Variants in LINS1 observed in about 807,000 individuals in gnomAD.
LINS1 encodes protein Lines homolog 1.
In LINS1, 27 loss-of-function variants were observed where a neutral mutation model predicts 41.6. The ratio of observed to expected loss-of-function variants is 0.65; its 90% confidence interval spans 0.48 to 0.89. The LOEUF is 0.89. Among genes scored for constraint, LINS1 ranks in the 40% least tolerant of loss-of-function variants. LINS1 has a pLI of 0.00. For synonymous variants in LINS1, 336 were observed against 312.9 expected (o/e 1.07, Z -0.78); for missense variants, 955 against 884.1 (o/e 1.08, Z -1.02).
At chr15:100,583,528 G>T (rs368588528) in intron 1 of LINS1, among the ~76,000 whole-genome samples, 10 of 152,216 alleles carry the variant, frequency 6.6e-5, no homozygotes, top group African/African-American at 2.4e-4. Flanking sequence ...TGTTGGTAAT[G>T]TTGTTCTATC....
chr15:100,574,479 G>C (rs990866906), intron 4 of LINS1, among the ~76,000 whole-genome samples: 5 of 152,154 alleles, frequency 3.3e-5, no homozygotes, highest in Non-Finnish European at 5.9e-5. Context: ...AGGCCGATGC[G>C]GGTGGATCAC....
At chr15:100,592,130 A>T (rs1596960886) in intron 1 of LINS1, among the ~76,000 whole-genome samples, 3 of 152,340 alleles carry the variant, frequency 2.0e-5, no homozygotes, top group Admixed American at 2.0e-4. Flanking sequence ...TCTAGAGGGT[A>T]TGTAAACCTC....
intron 1 of LINS1, among the ~76,000 whole-genome samples, chr15:100,595,993 G>GCAGA (rs1567102105): frequency 6.6e-6 from 1 of 152,200 alleles, no homozygotes. Context: ...AAGAAGTGGG[G>GCAGA]CAGATATCTT....
In LINS1 at chr15:100,580,815, C is replaced by G. The variant is rs1221157532; in HGVS notation, c.28G>C (p.Glu10Gln). MKVFCEVLE[E>Q]LYKKVLLGAT... ...CCAAGAAGTACCTTCTTGTATAACT[C>G]TTCTAAAACTTCACAGAAAACTTTC... Residue 10 changes from glutamate to glutamine, a missense_variant, in exon 2 of 7, where the codon GAG becomes CAG. Coordinates refer to ENST00000314742, the MANE Select transcript of LINS1 (RefSeq NM_001040616.3). 1.2e-6 allele frequency: 2 copies of G among 1,612,620 alleles called. No homozygotes were observed. Among genetic ancestry groups the G allele is most frequent in the Non-Finnish European group, 1.7e-6 (2 of 1,179,302 alleles).
At chr15:100,581,523 C>T (rs1049104664) in intron 1 of LINS1, among the ~76,000 whole-genome samples, 5 of 152,174 alleles carry the variant, frequency 3.3e-5, no homozygotes, top group African/African-American at 1.2e-4. Flanking sequence ...TAGATTATGG[C>T]TATTGCCAAT....
rs964507708 is a variant in LINS1 at position 100,569,780 on chromosome 15, T to A, written c.1732A>T (p.Thr578Ser). 1 of 1,613,958 alleles carries A rather than the reference T, an allele frequency of 6.2e-7. No homozygotes were observed. The highest frequency in any genetic ancestry group is 1.1e-5 in the South Asian group (1 of 91,032). Residue 578 changes from threonine (T) to serine (S), a missense_variant, in exon 7 of 7, where the codon ACT becomes TCT. By Grantham distance (58) the Thr-to-Ser change is moderately conservative. Coordinates refer to ENST00000314742, the MANE Select transcript of LINS1 (RefSeq NM_001040616.3). ...ACATCTCTGTGACTATGAGGAGCAGTCAAACGATGGGGTATTGTTTGGTTG... is the reference window on the plus strand; with the variant it reads ...ACATCTCTGTGACTATGAGGAGCAGACAAACGATGGGGTATTGTTTGGTTG... ...SSNQTIPHRL[T>S]APHSHRDVCA... is the part of the protein sequence containing the mutation.
intron 4 of LINS1, 94 bp downstream of exon 4, chr15:100,574,893 A>T: frequency 7.9e-7 from 1 of 1,265,072 alleles, no homozygotes. Context: ...TTTAAGACAG[A>T]TCAGATGTTC....
At chr15:100,601,550 G>C (rs968892836) in intron 1 of LINS1, among the ~76,000 whole-genome samples, 1 of 151,988 alleles carries the variant, frequency 6.6e-6, no homozygotes, top group African/African-American at 2.4e-5. Flanking sequence ...TCACACCATA[G>C]CACTACCTAT....
chr15:100,590,886 A>G (rs1435403074), intron 1 of LINS1, among the ~76,000 whole-genome samples: 2 of 152,206 alleles, frequency 1.3e-5, no homozygotes, highest in African/African-American at 4.8e-5. Context: ...AATAGTCATA[A>G]CAATAGTCTC....
Position 100,574,180 on chromosome 15 carries a change from T to C in LINS1, c.693A>G (p.Leu231=). The C allele has an allele frequency of 6.2e-7, 1 of 1,613,626 alleles. No individual in the cohort carries two copies. The highest frequency in any genetic ancestry group is 8.5e-7 in the Non-Finnish European group (1 of 1,179,632). Residue 231 remains leucine, a synonymous_variant, in exon 5 of 7, where the codon TTA becomes TTG. Coordinates refer to ENST00000314742, the MANE Select transcript of LINS1 (RefSeq NM_001040616.3). ...GGCAGTTTTCAAAATGCTGAGAGAA[T>C]AAGGAATTGTAAAACACTTCAAAAA... ...DTIFEVFYNS[L]FSQHFENCRD...
chr15:100,573,510 GA>G, intron 5 of LINS1, 140 bp downstream of exon 5: 2 of 538,848 alleles, frequency 3.7e-6, no homozygotes, highest in Non-Finnish European at 2.8e-6. Flanking sequence ...TTTTTTTTTT[GA>G]AAATGTAATA....
At chr15:100,600,571 A>AAAAAAAAAAC (rs2039443657) in intron 1 of LINS1, among the ~76,000 whole-genome samples, 1 of 150,728 alleles carries the variant, frequency 6.6e-6, no homozygotes, top group African/African-American at 2.4e-5. Flanking sequence ...AAAAAAAAAA[A>AAAAAAAAAAC]CAGGGAGAAA....
Position 100,573,651 on chromosome 15 carries a change from C to T in LINS1, c.1222G>A (p.Val408Ile), listed in dbSNP as rs1273162899. The change falls in exon 5 of 7, where the codon GTT becomes ATT. Residue 408 changes from valine (V) to isoleucine (I), a missense_variant and splice_region_variant. Coordinates refer to ENST00000314742, the MANE Select transcript of LINS1 (RefSeq NM_001040616.3). ...QNYSSASEVK[V>I]DLQRFMSELL... ...ATACAAAAGGAGTTTGGAGAATTAC[C>T]TTTCACTTCACTTGCTGAAGAATAA... The T allele has an allele frequency of 5.8e-6, 9 of 1,555,910 alleles. No homozygotes were observed. The highest frequency in any genetic ancestry group is 7.1e-6 in the Non-Finnish European group (8 of 1,129,716).
chr15:100,575,813 C>T (rs1193710538), intron 3 of LINS1, among the ~76,000 whole-genome samples: 4 of 152,120 alleles, frequency 2.6e-5, no homozygotes, highest in East Asian at 3.9e-4. Context: ...ACAGAAATCA[C>T]AACAAACTGT....
At chr15:100,596,521 T>G (rs2039251535) in intron 1 of LINS1, among the ~76,000 whole-genome samples, 1 of 152,212 alleles carries the variant, frequency 6.6e-6, no homozygotes, top group Non-Finnish European at 1.5e-5. Flanking sequence ...CATTTTTCTG[T>G]CAAAGTGATA....
intron 3 of LINS1, among the ~76,000 whole-genome samples, chr15:100,579,853 A>G (rs1454985316): frequency 6.6e-6 from 1 of 152,192 alleles, no homozygotes; most frequent in Non-Finnish European, 1.5e-5. Context: ...AATCTGCAGA[A>G]AGTTATGGAG....
chr15:100,588,249 G>T lies in LINS1; in HGVS notation c.-103-7304C>A, dbSNP rs745685229. Among the ~76,000 whole-genome samples the T allele has an allele frequency of 1.2e-3, 185 of 152,186 alleles. 1 individual carries two copies. The highest frequency in any genetic ancestry group is 2.4e-3 in the Non-Finnish European group (164 of 68,036). On this transcript the variant is annotated intron_variant, in intron 1 of 6. Coordinates refer to ENST00000314742, the MANE Select transcript of LINS1 (RefSeq NM_001040616.3). Reference sequence around the variant, plus strand: ...ATGGCCCAGCCAATTGGTCAGTCATGTCCTTGGGAGCTTGACCTTGTAACT... The same window carrying T: ...ATGGCCCAGCCAATTGGTCAGTCATTTCCTTGGGAGCTTGACCTTGTAACT...
Position 100,567,795 on chromosome 15 carries a change from T to G in LINS1, c.*1443A>C, listed in dbSNP as rs1332935560. 1 of 152,226 alleles carries G rather than the reference T, an allele frequency of 6.6e-6. No homozygotes were observed. The highest frequency in any genetic ancestry group is 2.4e-5 in the African/African-American group (1 of 41,454). 9.4% of individuals were successfully genotyped at this position (152,226 alleles called of 1,614,324 possible). A position where few individuals can be genotyped will look rare whatever the true frequency, so the allele number is the denominator to read the frequency against. On this transcript the variant is annotated 3_prime_UTR_variant, in exon 7 of 7. Transcript: ENST00000314742. ...AACGCAAACCTTTTGACCTTTGCAT[T>G]GCTATTTGGCTAACACTGGTACTTC... is the stretch of plus-strand genomic sequence containing the variant.
intron 1 of LINS1, among the ~76,000 whole-genome samples, chr15:100,581,217 G>A (rs1285715450): frequency 6.6e-6 from 1 of 152,112 alleles, no homozygotes; most frequent in Non-Finnish European, 1.5e-5. Flanking sequence ...GGCTATCAGG[G>A]TTTCTTAACT....
Sources: gnomAD v4.1 joint callset for allele counts (sites outside exome capture counted in the v4.1 genomes callset) on GRCh38, gnomAD v4.1.1 for gene constraint, MANE v1.5 for transcripts, NCBI Gene and HGNC (gene_info 2026-07-23, HGNC 2026-07-21) for gene names.